Variants in GPR141 observed in about 807,000 individuals in gnomAD.
GPR141 encodes the protein probable G protein-coupled receptor 141.
GPR141 carries 6 observed loss-of-function variants against 6.8 expected under a neutral mutation model. The ratio of observed to expected loss-of-function variants is 0.88; its 90% CI spans 0.48 to 1.74. The LOEUF (loss-of-function observed/expected upper bound fraction) is 1.74, where lower values mean the gene tolerates loss of function less well. Among genes scored for constraint, GPR141 ranks in the 40% most tolerant of loss-of-function variants. The probability of loss-of-function intolerance (pLI) is 0.01; values close to 1 mark genes in which losing one functional copy is unlikely to be tolerated. For missense variants in GPR141, 372 were observed against 372.9 expected, an observed-to-expected ratio of 1.00 and a Z score of 0.02; for synonymous variants, 140 against 142.3, an observed-to-expected ratio of 0.98 and a Z score of 0.11.
intron 2 of GPR141, among the ~76,000 whole-genome samples, chr7:37,719,641 T>C (rs1028625872): frequency 6.6e-6 from 1 of 152,188 alleles, no homozygotes; most frequent in African/African-American, 2.4e-5. Context: ...GACTAAACTG[T>C]CTAATCTTAG....
chr7:37,719,084 T>G (rs944406969), intron 2 of GPR141, among the ~76,000 whole-genome samples: 1 of 152,172 alleles, frequency 6.6e-6, no homozygotes, highest in African/African-American at 2.4e-5. Flanking sequence ...GGGAAAGCTG[T>G]GATGTGGAGC....
chr7:37,716,863 A>T (rs549423151), intron 2 of GPR141, among the ~76,000 whole-genome samples: 1 of 152,376 alleles, frequency 6.6e-6, no homozygotes, highest in South Asian at 2.1e-4. Context: ...CTGAGCTTTC[A>T]GCTAAGTTTT....
intron 2 of GPR141, among the ~76,000 whole-genome samples, chr7:37,708,326 A>C (rs900128050): frequency 4.0e-5 from 6 of 151,184 alleles, no homozygotes; most frequent in Non-Finnish European, 7.4e-5. Context: ...AAAAAAAAAA[A>C]AAAAAAAAAC....
chr7:37,723,358 A>G (rs1672490928), intron 2 of GPR141, among the ~76,000 whole-genome samples: 1 of 152,006 alleles, frequency 6.6e-6, no homozygotes, highest in Admixed American at 6.6e-5. Context: ...TATTAATATA[A>G]AAAATACCAG....
chr7:37,712,451 A>G (rs1159972469), intron 2 of GPR141, among the ~76,000 whole-genome samples: 1 of 152,156 alleles, frequency 6.6e-6, no homozygotes, highest in Admixed American at 6.5e-5. Context: ...TAAAGTGATC[A>G]GTGTTGCCTA....
At position 37,740,400 on chromosome 7, in the gene GPR141, G is replaced by A. The variant is rs750102831; in HGVS notation, c.7G>A (p.Gly3Ser). 10 of 1,593,516 alleles carry A rather than the reference G, an allele frequency of 6.3e-6. No individual in the cohort carries two copies. The Admixed American group carries it at 1.5e-4, about 24-fold the overall frequency. The change falls in exon 3 of 3, where the codon GGC (glycine) becomes AGC (serine). Residue 3 changes from glycine (G) to serine (S), a missense_variant. Physicochemically the swap from Gly to Ser is moderately conservative, Grantham distance 56. Coordinates refer to ENST00000334425, the MANE Select transcript of GPR141 (RefSeq NM_001381946.1). MP[G>S]HNTSRNSSCD... is the part of the protein sequence containing the mutation. ...TCCAGGTGACTTCCCAAGTATGCCT[G>A]GCCACAATACCTCCAGGAATTCCTC...
intron 2 of GPR141, among the ~76,000 whole-genome samples, chr7:37,702,765 TAAAA>T (rs1020067996): frequency 9.2e-6 from 1 of 108,552 alleles, no homozygotes; most frequent in African/African-American, 3.5e-5. Flanking sequence ...TAAATAAAAA[TAAAA>T]AAATAAAAAA....
intron 2 of GPR141, among the ~76,000 whole-genome samples, chr7:37,696,442 G>T (rs553239474): frequency 1.3e-5 from 2 of 151,920 alleles, no homozygotes; most frequent in East Asian, 3.9e-4. Context: ...ATGCATTACC[G>T]CCCACTGTCC....
At chr7:37,716,077 G>C (rs1811032800) in intron 2 of GPR141, among the ~76,000 whole-genome samples, 1 of 152,196 alleles carries the variant, frequency 6.6e-6, no homozygotes, top group African/African-American at 2.4e-5. Flanking sequence ...ATCTTGAAAT[G>C]GAAGTGGCAG....
At chr7:37,699,564 A>C (rs1810184426) in intron 2 of GPR141, among the ~76,000 whole-genome samples, 1 of 152,192 alleles carries the variant, frequency 6.6e-6, no homozygotes, top group Non-Finnish European at 1.5e-5. Flanking sequence ...CCGACTCAAA[A>C]AACAAAACAA....
At chr7:37,740,316 G>C in intron 2 of GPR141, 64 bp from the exon 3 acceptor site, 1 of 1,021,840 alleles carries the variant, frequency 9.8e-7, no homozygotes, top group Non-Finnish European at 1.5e-6. Context: ...TGTCAGTGCT[G>C]TAAAAGAGAT....
chr7:37,708,132 G>A (rs1287315912), intron 2 of GPR141, among the ~76,000 whole-genome samples: 1 of 152,018 alleles, frequency 6.6e-6, no homozygotes, highest in Non-Finnish European at 1.5e-5. Flanking sequence ...CGTCACAGCA[G>A]CCTGACAGAT....
intron 2 of GPR141, among the ~76,000 whole-genome samples, chr7:37,705,779 G>A (rs1487859718): frequency 6.6e-6 from 1 of 152,186 alleles, no homozygotes; most frequent in African/African-American, 2.4e-5. Context: ...TCCCATAAGT[G>A]AGAACCACGT....
chr7:37,702,466 C>T (rs573286778), intron 2 of GPR141, among the ~76,000 whole-genome samples: 1 of 151,784 alleles, frequency 6.6e-6, no homozygotes, highest in Non-Finnish European at 1.5e-5. Flanking sequence ...GATATACACT[C>T]TATTTTTACT....
At chr7:37,702,494 T>C (rs1810321269) in intron 2 of GPR141, among the ~76,000 whole-genome samples, 1 of 152,020 alleles carries the variant, frequency 6.6e-6, no homozygotes, top group Admixed American at 6.6e-5. Flanking sequence ...TGCTGTCAAA[T>C]ACAAATTTTC....
intron 2 of GPR141, among the ~76,000 whole-genome samples, chr7:37,688,190 A>G (rs1446525218): frequency 1.3e-5 from 2 of 152,044 alleles, no homozygotes; most frequent in Non-Finnish European, 2.9e-5. Context: ...TGATCCCAGC[A>G]CTTTGGGAGG....
intron 2 of GPR141, among the ~76,000 whole-genome samples, chr7:37,714,423 G>A (rs34691624): frequency 0.076 from 11,637 of 152,122 alleles, 644 homozygotes; most frequent in South Asian, 0.21. Flanking sequence ...TAATAGCATG[G>A]GTGTTCTTCA....
chr7:37,737,985 C>T (rs928006024), intron 2 of GPR141, among the ~76,000 whole-genome samples: 2 of 152,194 alleles, frequency 1.3e-5, no homozygotes, highest in South Asian at 4.1e-4. Context: ...CAAATTTCTT[C>T]ATGGCCTCCT....
chr7:37,729,498 C>T (rs1307271140), intron 2 of GPR141, among the ~76,000 whole-genome samples: 1 of 152,190 alleles, frequency 6.6e-6, no homozygotes, highest in Non-Finnish European at 1.5e-5. Flanking sequence ...TTCACCCATT[C>T]AGTTAACAAC....
Sources: gnomAD v4.1 joint callset for allele counts (sites outside exome capture counted in the v4.1 genomes callset) on GRCh38, gnomAD v4.1.1 for gene constraint, MANE v1.5 for transcripts, NCBI Gene and HGNC (gene_info 2026-07-23, HGNC 2026-07-21) for gene names.